Variants in COL5A1 observed in about 807,000 individuals in gnomAD.
COL5A1 encodes collagen type V alpha 1 chain, also known as collagen alpha-1(V) chain.
A neutral mutation model predicts 263.7 loss-of-function variants in COL5A1; 16 were observed. The ratio of observed to expected loss-of-function variants is 0.06; its 90% CI spans 0.04 to 0.09. COL5A1 has a LOEUF of 0.09. COL5A1 is among the 10% of genes least tolerant of loss of function. COL5A1 has a pLI of 1.00. For missense variants in COL5A1, 2,036 were observed against 2,540.5 expected (o/e 0.80, Z 4.27); for synonymous variants, 1,012 against 1,004.5 (o/e 1.01, Z -0.14).
rs945408556 is a variant in COL5A1 at position 134,789,550 on chromosome 9, A to C, written c.2700+342A>C. Among the ~76,000 whole-genome samples the C allele has an allele frequency of 2.0e-5, 3 of 152,240 alleles. No individual in the cohort carries two copies. The highest frequency in any genetic ancestry group is 4.4e-5 in the Non-Finnish European group (3 of 68,042). On this transcript the variant is annotated intron_variant, in intron 32 of 65. Transcript: ENST00000371817. This position sits in a 1 kb window ranked among gnomAD's most constrained non-coding sequence, Gnocchi z 4.8. ...CCAAGTGGGCTTTTCCTCCAAGCTA[A>C]TTTTAAAAGGAAGGGAAAAAGGAGA...
intron 4 of COL5A1, among the ~76,000 whole-genome samples, chr9:134,711,351 C>T (rs1017659917): frequency 6.6e-6 from 1 of 152,116 alleles, no homozygotes; most frequent in African/African-American, 2.4e-5. Flanking sequence ...GGGTGTGGGG[C>T]TGTGTCTTGC....
Position 134,681,394 on chromosome 9 carries a change from C to T in COL5A1, c.110-9518C>T, listed in dbSNP as rs918247318. On this transcript the variant is annotated intron_variant, in intron 1 of 65. Transcript: ENST00000371817. This position sits in a 1 kb window ranked among gnomAD's most constrained non-coding sequence, Gnocchi z 4.3. ...GAGCATCTGCGGGTGCCGGGCTGTGCGGGGCCCCTGCCCTCCTGCAGTTCA... is the reference window on the plus strand; with the variant it reads ...GAGCATCTGCGGGTGCCGGGCTGTGTGGGGCCCCTGCCCTCCTGCAGTTCA... Among the ~76,000 whole-genome samples the T allele has an allele frequency of 3.3e-5, 5 of 152,214 alleles. No homozygotes were observed. Among genetic ancestry groups the T allele is most frequent in the Admixed American group, 2.6e-4 (4 of 15,286 alleles).
chr9:134,795,153 T>C (rs764141970), intron 33 of COL5A1, 27 bp downstream of exon 33: 1 of 1,613,926 alleles, frequency 6.2e-7, no homozygotes, highest in African/African-American at 1.3e-5. Flanking sequence ...CTTGTGGGCA[T>C]GTTTGGGAAA....
At chr9:134,698,866 A>C (rs1431700864) in intron 2 of COL5A1, among the ~76,000 whole-genome samples, 1 of 152,194 alleles carries the variant, frequency 6.6e-6, no homozygotes, top group East Asian at 1.9e-4. Flanking sequence ...CACCCACCAG[A>C]TCCCAGCCCT....
intron 7 of COL5A1, 75 bp downstream of exon 7, chr9:134,730,550 C>T: frequency 5.0e-6 from 8 of 1,596,276 alleles, no homozygotes; most frequent in Non-Finnish European, 6.8e-6. Flanking sequence ...CAATGCTGAG[C>T]TCCCTTCTTA....
Position 134,728,929 on chromosome 9 carries a change from G to A in COL5A1, c.924+122G>A. On this transcript the variant is annotated intron_variant, in intron 6 of 65. Transcript: ENST00000371817. ...TGGGGGCTGTCTGGTGAAGGTTGCG[G>A]GGGCAGCTCAGTGAGGGAGCCGGCT... The A allele has an allele frequency of 1.1e-5, 14 of 1,314,404 alleles. No individual in the cohort carries two copies. In the South Asian group the frequency reaches 1.5e-4, roughly 14 times the overall value. 81.4% of individuals were successfully genotyped at this position (1,314,404 alleles called of 1,614,324 possible). A position where few individuals can be genotyped will look rare whatever the true frequency, so the allele number is the denominator to read the frequency against.
chr9:134,712,591 C>T (rs1371267505), intron 4 of COL5A1, among the ~76,000 whole-genome samples: 3 of 50,860 alleles, frequency 5.9e-5, no homozygotes, highest in African/African-American at 2.3e-4. Context: ...TTCTGCCTCA[C>T]TTCTTCCTGT....
At chr9:134,761,791 T>TC in intron 18 of COL5A1, 134 bp from the exon 19 acceptor site, 1 of 902,334 alleles carries the variant, frequency 1.1e-6, no homozygotes, top group Non-Finnish European at 1.9e-6. Flanking sequence ...TAAGGAAAAT[T>TC]CCCCCATTCT....
chr9:134,784,901 TCCCCTTG>T, intron 29 of COL5A1, 81 bp from the exon 30 acceptor site: 1 of 1,116,684 alleles, frequency 9.0e-7, no homozygotes, highest in Admixed American at 1.8e-5. Context: ...CTGTGACCTG[TCCCCTTG>T]CTCCTTGCTC....
At chr9:134,767,202 G>A (rs1203701865) in intron 23 of COL5A1, 108 bp from the exon 24 acceptor site, 1 of 1,441,936 alleles carries the variant, frequency 6.9e-7, no homozygotes, top group Middle Eastern at 1.7e-4. Flanking sequence ...GACCTGGGTT[G>A]GTGCCTGGAT....
chr9:134,838,128 C>T (rs908631503), intron 65 of COL5A1, among the ~76,000 whole-genome samples: 2 of 152,190 alleles, frequency 1.3e-5, no homozygotes, highest in African/African-American at 4.8e-5. Context: ...GCAGAGGGAA[C>T]CGGGTTCAAG....
intron 28 of COL5A1, 80 bp downstream of exon 28, chr9:134,780,226 T>C (rs1405841346): frequency 5.8e-6 from 8 of 1,374,704 alleles, no homozygotes; most frequent in Non-Finnish European, 8.3e-6. Context: ...CCCACAATGC[T>C]TCTTCCATGA....
chr9:134,721,264 C>G (rs1224311524), intron 4 of COL5A1, among the ~76,000 whole-genome samples: 1 of 150,368 alleles, frequency 6.7e-6, no homozygotes, highest in Admixed American at 6.6e-5. Context: ...AGATGTCCCC[C>G]CCATGGGACC....
chr9:134,677,307 C>T lies in COL5A1; in HGVS notation c.110-13605C>T, dbSNP rs1430051031. ...GGGGAAGGCAGGCCCTGGTATTACA[C>T]CTCCTTTCCTGCAGGGGAAAAGGCT... On this transcript the variant is annotated intron_variant, in intron 1 of 65. Transcript: ENST00000371817. This position sits in a 1 kb window ranked among gnomAD's most constrained non-coding sequence, Gnocchi z 4.4. Among the ~76,000 whole-genome samples the T allele has an allele frequency of 6.6e-6, 1 of 152,172 alleles. No individual in the cohort carries two copies. The highest frequency in any genetic ancestry group is 1.5e-5 in the Non-Finnish European group (1 of 68,034).
intron 18 of COL5A1, among the ~76,000 whole-genome samples, chr9:134,760,194 C>CA (rs1481273488): frequency 7.4e-6 from 1 of 135,876 alleles, no homozygotes; most frequent in African/African-American, 2.8e-5. Context: ...CACCCCCACA[C>CA]CCCCACACTC....
intron 9 of COL5A1, among the ~76,000 whole-genome samples, chr9:134,733,593 G>C (rs1834984548): frequency 6.6e-6 from 1 of 152,230 alleles, no homozygotes; most frequent in African/African-American, 2.4e-5. Context: ...AGGAGACTCT[G>C]AGGCCAGGAT....
intron 29 of COL5A1, among the ~76,000 whole-genome samples, chr9:134,784,110 A>G (rs1837364450): frequency 6.6e-6 from 1 of 151,558 alleles, no homozygotes. Context: ...ACAGCCTGGC[A>G]CTTTGCACCT....
intron 65 of COL5A1, among the ~76,000 whole-genome samples, chr9:134,836,170 G>T (rs148252684): frequency 6.6e-6 from 1 of 152,204 alleles, no homozygotes; most frequent in African/African-American, 2.4e-5. Flanking sequence ...GGTTTACTCC[G>T]CTCCCAGCTC....
rs1015654613 is a variant in COL5A1, at chr9:134,765,307, G to T, written c.2035-374G>T. On this transcript the variant is annotated intron_variant, in intron 20 of 65. Transcript: ENST00000371817. This position sits in a 1 kb window ranked among gnomAD's most constrained non-coding sequence, Gnocchi z 5.1. ...GGAGCGAGCCGGTAATGAGGATAGGGCACAAGGGCTCCGTGCAGTGGAATG... is the reference window on the plus strand; with the variant it reads ...GGAGCGAGCCGGTAATGAGGATAGGTCACAAGGGCTCCGTGCAGTGGAATG... Among the ~76,000 whole-genome samples, 3 of 152,180 alleles carry T rather than the reference G, an allele frequency of 2.0e-5. No homozygotes were observed. The highest frequency in any genetic ancestry group is 6.5e-5 in the Admixed American group (1 of 15,284).
Sources: allele counts gnomAD v4.1 joint callset (sites outside exome capture counted in the v4.1 genomes callset), GRCh38; gene constraint gnomAD v4.1.1; non-coding constraint Gnocchi (gnomAD v3.1); transcripts MANE v1.5; gene names NCBI Gene and HGNC (gene_info 2026-07-23, HGNC 2026-07-21).